Variants in DYNC2I1 observed in about 807,000 individuals in gnomAD.
DYNC2I1 encodes the protein cytoplasmic dynein 2 intermediate chain 1.
Under a neutral mutation model 133.4 loss-of-function variants are expected in DYNC2I1, and 89 were observed. The observed-to-expected ratio is 0.67, with a 90% confidence interval of 0.56 to 0.80. The LOEUF (loss-of-function observed/expected upper bound fraction) is 0.80. DYNC2I1 is among the 30% of genes least tolerant of loss of function. The probability of loss-of-function intolerance (pLI) is 0.00; values close to 1 mark genes in which losing one functional copy is unlikely to be tolerated. For missense variants in DYNC2I1, 1,291 were observed against 1,314.5 expected, an observed-to-expected ratio of 0.98 and a Z score of 0.28; for synonymous variants, 504 against 484.3, an observed-to-expected ratio of 1.04 and a Z score of -0.54.
intron 11 of DYNC2I1, among the ~76,000 whole-genome samples, chr7:158,907,193 G>C (rs1370127168): frequency 6.7e-6 from 1 of 148,934 alleles, no homozygotes; most frequent in Non-Finnish European, 1.5e-5. Flanking sequence ...AAAGGTGACA[G>C]TTTTCACAGC....
At chr7:158,915,354 C>G (rs796739789) in intron 14 of DYNC2I1, among the ~76,000 whole-genome samples, 23 of 97,808 alleles carry the variant, frequency 2.4e-4, no homozygotes, top group Middle Eastern at 6.9e-3. Flanking sequence ...CGTCGACACG[C>G]TGGTTGACAT....
chr7:158,889,080 C>CTT (rs369814666), intron 7 of DYNC2I1, among the ~76,000 whole-genome samples: 8 of 126,084 alleles, frequency 6.3e-5, no homozygotes, highest in South Asian at 2.6e-4. Context: ...TCCTGTTTTT[C>CTT]TTTTTTTTTT....
chr7:158,922,747 C>T (rs563179710), intron 16 of DYNC2I1, among the ~76,000 whole-genome samples, 198 bp downstream of exon 16: 1 of 152,240 alleles, frequency 6.6e-6, no homozygotes, highest in Admixed American at 6.5e-5. Context: ...GCTTGTAGTT[C>T]AGAATGAGCA....
intron 8 of DYNC2I1, among the ~76,000 whole-genome samples, chr7:158,894,590 C>G (rs1845596777): frequency 6.6e-6 from 1 of 152,212 alleles, no homozygotes; most frequent in African/African-American, 2.4e-5. Context: ...TATCCACTCA[C>G]TAACTGAAGG....
At chr7:158,941,739 G>A (rs1277099544) in intron 23 of DYNC2I1, among the ~76,000 whole-genome samples, 186 bp from the exon 24 acceptor site, 18 of 152,182 alleles carry the variant, frequency 1.2e-4, no homozygotes, top group Admixed American at 1.2e-3. Flanking sequence ...AAAGGTGGGT[G>A]TAGTGGTGCC....
At chr7:158,902,249 A>G in intron 9 of DYNC2I1, 127 bp from the exon 10 acceptor site, 1 of 758,140 alleles carries the variant, frequency 1.3e-6, no homozygotes, top group Non-Finnish European at 2.1e-6. Flanking sequence ...AACTATAAAT[A>G]TCTTTCTTAG....
At chr7:158,862,504 G>T (rs1841947457) in intron 1 of DYNC2I1, among the ~76,000 whole-genome samples, 1 of 149,074 alleles carries the variant, frequency 6.7e-6, no homozygotes, top group Non-Finnish European at 1.5e-5. Context: ...ATTGTTTGAG[G>T]ATGGGAGTTC....
intron 1 of DYNC2I1, among the ~76,000 whole-genome samples, chr7:158,865,929 C>G (rs1245468678): frequency 6.6e-6 from 1 of 152,122 alleles, no homozygotes; most frequent in African/African-American, 2.4e-5. Flanking sequence ...TGAGGGTAAA[C>G]AGTCCATATT....
chr7:158,910,253 G>A (rs998786168), intron 11 of DYNC2I1, among the ~76,000 whole-genome samples: 2 of 152,270 alleles, frequency 1.3e-5, no homozygotes, highest in Non-Finnish European at 2.9e-5. Flanking sequence ...CGTGGGTGCG[G>A]CGTTTCGGGG....
chr7:158,910,769 C>A (rs1303236724), intron 11 of DYNC2I1, among the ~76,000 whole-genome samples: 3 of 145,238 alleles, frequency 2.1e-5, no homozygotes, highest in African/African-American at 7.7e-5. Flanking sequence ...GGTGGAGGGC[C>A]ATTGGCTGTG....
intron 4 of DYNC2I1, 128 bp downstream of exon 4, chr7:158,876,819 C>T (rs1843400533): frequency 8.1e-7 from 1 of 1,230,538 alleles, no homozygotes; most frequent in Non-Finnish European, 1.1e-6. Context: ...AAAAGGCCTC[C>T]AGCACTGTGT....
At chr7:158,938,102 T>C (rs1418233252) in intron 23 of DYNC2I1, among the ~76,000 whole-genome samples, 1 of 152,128 alleles carries the variant, frequency 6.6e-6, no homozygotes. Flanking sequence ...GAGATCAATA[T>C]CCAGGTATAG....
chr7:158,867,952 C>T (rs1842552171), intron 1 of DYNC2I1, among the ~76,000 whole-genome samples: 1 of 152,122 alleles, frequency 6.6e-6, no homozygotes, highest in Non-Finnish European at 1.5e-5. Flanking sequence ...CATGGCGGAA[C>T]TCCATCTCTA....
intron 3 of DYNC2I1, among the ~76,000 whole-genome samples, 196 bp downstream of exon 3, chr7:158,871,758 C>T (rs1842909415): frequency 1.3e-5 from 2 of 152,178 alleles, no homozygotes; most frequent in Admixed American, 1.3e-4. Flanking sequence ...GCAGCCTCAA[C>T]TTCCTGGGCT....
At chr7:158,872,149 C>G (rs190821801) in intron 3 of DYNC2I1, among the ~76,000 whole-genome samples, 1 of 151,788 alleles carries the variant, frequency 6.6e-6, no homozygotes, top group African/African-American at 2.4e-5. Context: ...GACTCCATCA[C>G]TACAAAAAAT....
rs113013470 is a variant in DYNC2I1, at chr7:158,928,401, C to T, written c.2485+1358C>T. Among the ~76,000 whole-genome samples the T allele has an allele frequency of 4.1e-3, 626 of 151,960 alleles. 3 individuals are homozygous for T. The highest frequency in any genetic ancestry group is 0.014 in the African/African-American group (579 of 41,416). On this transcript the variant is annotated intron_variant, in intron 20 of 24. Coordinates refer to ENST00000407559, the MANE Select transcript of DYNC2I1 (RefSeq NM_018051.5). ...TGGCAAAAAATAATATGAGTGAGAC[C>T]GGCTTTGTTCCTAACCTCTTGAGAT...
intron 15 of DYNC2I1, among the ~76,000 whole-genome samples, chr7:158,919,517 G>T (rs1286769893): frequency 6.6e-6 from 1 of 152,200 alleles, no homozygotes; most frequent in Non-Finnish European, 1.5e-5. Flanking sequence ...GGCAGCCATG[G>T]TCCCGGTTTT....
At chr7:158,877,868 C>T (rs552185541) in intron 4 of DYNC2I1, among the ~76,000 whole-genome samples, 2 of 152,320 alleles carry the variant, frequency 1.3e-5, no homozygotes, top group Admixed American at 1.3e-4. Context: ...GATGTGGCAG[C>T]CTTGTGCTGT....
At chr7:158,935,209 C>T (rs182992309) in intron 23 of DYNC2I1, among the ~76,000 whole-genome samples, 278 of 152,340 alleles carry the variant, frequency 1.8e-3, no homozygotes, top group African/African-American at 6.4e-3. Context: ...GCAGTCCCTG[C>T]GCTGCACTCA....
Sources: gnomAD v4.1 joint callset for allele counts (sites outside exome capture counted in the v4.1 genomes callset) on GRCh38, gnomAD v4.1.1 for gene constraint, MANE v1.5 for transcripts, NCBI Gene and HGNC (gene_info 2026-07-23, HGNC 2026-07-21) for gene names.